The following PLS1 variants were observed in gnomAD, a reference collection of about 807,000 sequenced individuals.
PLS1 encodes the protein plastin 1, also known as plastin-1.
PLS1 carries 32 observed loss-of-function variants against 73.7 expected under a neutral mutation model. That is an observed-to-expected ratio of 0.43 (90% CI 0.33 to 0.58). The LOEUF (loss-of-function observed/expected upper bound fraction) is 0.58, where lower values mean the gene tolerates loss of function less well. Ranked by LOEUF, PLS1 falls within the 20% of genes least tolerant of loss-of-function variation. The probability of loss-of-function intolerance (pLI) is 0.04; values close to 1 mark genes in which losing one functional copy is unlikely to be tolerated. For missense variants in PLS1, 633 were observed against 740.5 expected (o/e 0.85, Z 1.68); for synonymous variants, 217 against 261.3 (o/e 0.83, Z 1.63).
At chr3:142,662,757 C>G (rs987494630) in intron 1 of PLS1, among the ~76,000 whole-genome samples, 4 of 151,886 alleles carry the variant, frequency 2.6e-5, no homozygotes, top group Non-Finnish European at 5.9e-5. Context: ...GGGGATTTAC[C>G]AAATAAGTTA....
chr3:142,676,414 T>C, intron 5 of PLS1, 125 bp downstream of exon 5: 1 of 864,678 alleles, frequency 1.2e-6, no homozygotes, highest in Non-Finnish European at 1.8e-6. Flanking sequence ...TCATGAGGAA[T>C]TTATATTGCA....
intron 1 of PLS1, among the ~76,000 whole-genome samples, chr3:142,614,416 T>C (rs1470608457): frequency 3.9e-5 from 6 of 152,210 alleles, no homozygotes; most frequent in Admixed American, 2.6e-4. Context: ...TCACAAGGCC[T>C]GTGCCAGACT....
At chr3:142,608,982 T>C (rs7633021) in intron 1 of PLS1, among the ~76,000 whole-genome samples, 33,293 of 152,130 alleles carry the variant, frequency 0.22, 4,578 homozygotes, top group African/African-American at 0.39. Context: ...AATAAGTGAG[T>C]GTCAGAGAGG....
At chr3:142,623,287 TA>T (rs1415798304) in intron 1 of PLS1, 1 of 152,162 alleles carries the variant, frequency 6.6e-6, no homozygotes, top group African/African-American at 2.4e-5. Flanking sequence ...TATAATCAAA[TA>T]GAATGATGAT....
intron 12 of PLS1, among the ~76,000 whole-genome samples, chr3:142,702,304 CA>C (rs769682194): frequency 6.6e-6 from 1 of 152,168 alleles, no homozygotes; most frequent in East Asian, 1.9e-4. Flanking sequence ...CAGCAGGTTC[CA>C]AAGATCTTCC....
intron 10 of PLS1, among the ~76,000 whole-genome samples, chr3:142,692,406 G>A (rs1263173612): frequency 6.6e-6 from 1 of 152,068 alleles, no homozygotes; most frequent in African/African-American, 2.4e-5. Flanking sequence ...TGCTTTAGCT[G>A]TCTATAATCC....
At chr3:142,681,131 C>T (rs188501567) in intron 6 of PLS1, among the ~76,000 whole-genome samples, 253 of 152,212 alleles carry the variant, frequency 1.7e-3, no homozygotes, top group Non-Finnish European at 2.8e-3. Flanking sequence ...ATGATAGCCT[C>T]TCAGATCCAC....
At chr3:142,683,701 A>G (rs2037902516) in intron 6 of PLS1, among the ~76,000 whole-genome samples, 1 of 152,214 alleles carries the variant, frequency 6.6e-6, no homozygotes, top group African/African-American at 2.4e-5. Flanking sequence ...TTACAAAAAT[A>G]TCATGTTGAG....
chr3:142,646,011 A>G (rs1337208144), intron 1 of PLS1, among the ~76,000 whole-genome samples: 1 of 152,172 alleles, frequency 6.6e-6, no homozygotes, highest in Non-Finnish European at 1.5e-5. Flanking sequence ...ACCAATATGA[A>G]GGTATTATAT....
chr3:142,634,433 A>G (rs992312367), intron 1 of PLS1, among the ~76,000 whole-genome samples: 2 of 152,202 alleles, frequency 1.3e-5, no homozygotes, highest in African/African-American at 2.4e-5. Flanking sequence ...GAAAAAATAC[A>G]CATTACATAG....
chr3:142,700,253 G>A lies in PLS1; in HGVS notation c.1371+2186G>A, dbSNP rs190280404. Among the ~76,000 whole-genome samples the A allele has an allele frequency of 1.0e-3, 156 of 151,952 alleles. 2 individuals carry two copies. Among genetic ancestry groups the A allele is most frequent in the African/African-American group, 3.6e-3 (148 of 41,446 alleles). ...TAATCAATACATGTCACTTTCCTTC[G>A]CTTACAAAGTTCTTAAAGCTGCACC... On this transcript the variant is annotated intron_variant, in intron 12 of 15. Coordinates refer to ENST00000457734, the MANE Select transcript of PLS1 (RefSeq NM_001145319.2).
At chr3:142,691,409 T>G (rs776147064) in intron 10 of PLS1, among the ~76,000 whole-genome samples, 6 of 151,946 alleles carry the variant, frequency 3.9e-5, no homozygotes, top group Non-Finnish European at 7.4e-5. Context: ...GTCTGGAAAA[T>G]TTCAAAATCC....
At chr3:142,685,252 T>C (rs1288184547) in intron 8 of PLS1, among the ~76,000 whole-genome samples, 2 of 152,356 alleles carry the variant, frequency 1.3e-5, no homozygotes, top group Middle Eastern at 3.4e-3. Flanking sequence ...ATCAAACATT[T>C]ATTCAGCTCT....
intron 1 of PLS1, among the ~76,000 whole-genome samples, chr3:142,598,664 G>T (rs1448218140): frequency 6.6e-6 from 1 of 152,174 alleles, no homozygotes; most frequent in Non-Finnish European, 1.5e-5. Context: ...CAGGGTTGGG[G>T]TGTTAGTAAT....
intron 13 of PLS1, 143 bp from the exon 14 acceptor site, chr3:142,704,320 A>G: frequency 1.5e-6 from 1 of 673,958 alleles, no homozygotes; most frequent in South Asian, 2.4e-5. Context: ...TTGGAATGTA[A>G]CTGGGTGCAA....
rs531728155 is a variant in PLS1, at chr3:142,684,524, A to C, written c.888+129A>C. ...GGGATAGAAAATGAAAATTTGCATTACTGTGTGAAGTAGATCCCCCAATTA... is the reference window on the plus strand; with the variant it reads ...GGGATAGAAAATGAAAATTTGCATTCCTGTGTGAAGTAGATCCCCCAATTA... On this transcript the variant is annotated intron_variant, in intron 8 of 15. Transcript: ENST00000457734. The C allele has an allele frequency of 8.1e-5, 59 of 726,432 alleles. No individual in the cohort carries two copies. The South Asian group carries it at 1.2e-3, about 14-fold the overall frequency. The allele number at this position is 726,432 out of a possible 1,614,324, so 45.0% of individuals were successfully genotyped here.
chr3:142,686,966 A>T (rs1371281558), intron 9 of PLS1, among the ~76,000 whole-genome samples: 3 of 152,220 alleles, frequency 2.0e-5, no homozygotes, highest in Non-Finnish European at 4.4e-5. Context: ...GCAATCAATT[A>T]TCAGTTTTAC....
At chr3:142,635,649 T>C (rs189838345) in intron 1 of PLS1, among the ~76,000 whole-genome samples, 9 of 152,240 alleles carry the variant, frequency 5.9e-5, no homozygotes, top group African/African-American at 2.2e-4. Context: ...TGATGAACTC[T>C]CAGTATTGTT....
chr3:142,685,571 C>T (rs1011749303), intron 8 of PLS1, among the ~76,000 whole-genome samples: 1 of 152,164 alleles, frequency 6.6e-6, no homozygotes, highest in African/African-American at 2.4e-5. Context: ...CTCAGTGCTC[C>T]TCCACAAGGC....
Sources: allele counts gnomAD v4.1 joint callset (sites outside exome capture counted in the v4.1 genomes callset), GRCh38; gene constraint gnomAD v4.1.1; transcripts MANE v1.5; gene names NCBI Gene and HGNC (gene_info 2026-07-23, HGNC 2026-07-21).